Variants in KCNH5 observed in about 807,000 individuals in gnomAD.
KCNH5 encodes potassium voltage-gated channel subfamily H member 5.
Under a neutral mutation model 96.1 loss-of-function variants are expected in KCNH5, and 46 were observed. The ratio of observed to expected loss-of-function variants is 0.48; its 90% CI spans 0.38 to 0.61. The LOEUF is 0.61. KCNH5 is among the 20% of genes least tolerant of loss of function. The probability of loss-of-function intolerance (pLI) is 0.00; values close to 1 mark genes in which losing one functional copy is unlikely to be tolerated. For missense variants in KCNH5, 907 were observed against 1,225.8 expected (o/e 0.74, Z 3.88); for synonymous variants, 439 against 449.8 (o/e 0.98, Z 0.30).
chr14:62,953,539 G>T (rs117080707), intron 6 of KCNH5, among the ~76,000 whole-genome samples: 1 of 152,120 alleles, frequency 6.6e-6, no homozygotes, highest in South Asian at 2.1e-4. Context: ...AAAGGGAACC[G>T]TTTGCTTCTC....
chr14:62,941,117 T>C (rs1468767960), intron 7 of KCNH5, among the ~76,000 whole-genome samples: 1 of 152,140 alleles, frequency 6.6e-6, no homozygotes, highest in Non-Finnish European at 1.5e-5. Context: ...TAAATACCAA[T>C]GTATACCAGA....
intron 1 of KCNH5, 80 bp downstream of exon 1, chr14:63,045,034 A>G: frequency 9.0e-7 from 1 of 1,107,790 alleles, no homozygotes; most frequent in Non-Finnish European, 1.4e-6. Context: ...CCCCCTTGGG[A>G]GAGGGATGGG....
intron 7 of KCNH5, among the ~76,000 whole-genome samples, chr14:62,896,661 T>C (rs1888819421): frequency 6.6e-6 from 1 of 152,188 alleles, no homozygotes; most frequent in Non-Finnish European, 1.5e-5. Flanking sequence ...ATGAAGTGAA[T>C]TGCTTTTTTT....
intron 4 of KCNH5, among the ~76,000 whole-genome samples, chr14:62,989,690 C>T (rs1890774944): frequency 6.6e-6 from 1 of 152,072 alleles, no homozygotes. Flanking sequence ...AATAGCCACT[C>T]TTGCTAAACT....
At chr14:62,721,499 G>GCTCTCTCT (rs10567188) in intron 10 of KCNH5, among the ~76,000 whole-genome samples, 26 of 149,360 alleles carry the variant, frequency 1.7e-4, no homozygotes, top group East Asian at 4.0e-4. Flanking sequence ...TCACTCACTC[G>GCTCTCTCT]CTCTCTCTCT....
chr14:62,769,416 G>A lies in KCNH5; in HGVS notation c.2019+10312C>T, dbSNP rs140695900. Among the ~76,000 whole-genome samples, 645 of 152,258 alleles carry A rather than the reference G, an allele frequency of 4.2e-3. 7 individuals carry two copies. Among genetic ancestry groups the A allele is most frequent in the African/African-American group, 0.014 (600 of 41,554 alleles). ...GGCATGCAGGGTTTTCAGAGCAATCGTTTTCTCTTCAAAGTCCTTCACAAT... is the reference window on the plus strand; with the variant it reads ...GGCATGCAGGGTTTTCAGAGCAATCATTTTCTCTTCAAAGTCCTTCACAAT... On this transcript the variant is annotated intron_variant, in intron 10 of 10. Coordinates refer to ENST00000322893, the MANE Select transcript of KCNH5 (RefSeq NM_139318.5).
At chr14:62,891,800 T>C (rs1888717195) in intron 7 of KCNH5, among the ~76,000 whole-genome samples, 1 of 152,216 alleles carries the variant, frequency 6.6e-6, no homozygotes, top group Non-Finnish European at 1.5e-5. Context: ...CATATTTTTA[T>C]GGTGATCTAT....
chr14:62,809,500 G>A (rs1324091220), intron 8 of KCNH5, among the ~76,000 whole-genome samples: 2 of 152,044 alleles, frequency 1.3e-5, no homozygotes, highest in Non-Finnish European at 2.9e-5. Flanking sequence ...AGGTCCAGGA[G>A]CCACAGGTTA....
At chr14:62,710,225 C>T (rs577848499) in intron 10 of KCNH5, among the ~76,000 whole-genome samples, 13 of 152,172 alleles carry the variant, frequency 8.5e-5, no homozygotes, top group African/African-American at 2.4e-4. Context: ...GAGATTGATG[C>T]ACTAAATTCA....
At chr14:62,741,133 GT>G (rs1885262627) in intron 10 of KCNH5, among the ~76,000 whole-genome samples, 1 of 152,106 alleles carries the variant, frequency 6.6e-6, no homozygotes, top group Admixed American at 6.6e-5. Flanking sequence ...TCATAATGGA[GT>G]TTTCCCAGAA....
At chr14:62,982,341 C>G (rs1890626464) in intron 5 of KCNH5, among the ~76,000 whole-genome samples, 1 of 151,880 alleles carries the variant, frequency 6.6e-6, no homozygotes, top group Admixed American at 6.6e-5. Flanking sequence ...AAAAAAAAGA[C>G]AGTTGAAGGG....
At chr14:62,809,542 C>G (rs1246188149) in intron 8 of KCNH5, among the ~76,000 whole-genome samples, 1 of 152,082 alleles carries the variant, frequency 6.6e-6, no homozygotes, top group East Asian at 1.9e-4. Context: ...GGAATTTACT[C>G]AACTCATAGG....
chr14:62,822,929 T>C (rs1194898796), intron 8 of KCNH5, among the ~76,000 whole-genome samples: 1 of 152,144 alleles, frequency 6.6e-6, no homozygotes, highest in African/African-American at 2.4e-5. Context: ...GAATTTAAAG[T>C]CCTCTTTCTC....
At position 62,937,347 on chromosome 14, in the gene KCNH5, C is replaced by A. The variant is rs144024509; in HGVS notation, c.1369+12786G>T. Among the ~76,000 whole-genome samples the A allele has an allele frequency of 3.9e-5, 6 of 152,272 alleles. No homozygotes were observed. The East Asian group carries it at 1.2e-3, about 29-fold the overall frequency. On this transcript the variant is annotated intron_variant, in intron 7 of 10. Coordinates refer to ENST00000322893, the MANE Select transcript of KCNH5 (RefSeq NM_139318.5). ...CCTGTACAGTCTATTTTCCACACAG[C>A]AGCTGGATTGGTATTTGTAAGACAT...
rs1278391362 is a variant in KCNH5, at chr14:63,039,572, CTT to C, written c.73+5540_73+5541del. Among the ~76,000 whole-genome samples the C allele has an allele frequency of 8.5e-5, 13 of 152,064 alleles. No individual in the cohort carries two copies. The South Asian group carries it at 2.5e-3, about 29-fold the overall frequency. ...ATGTACAGGTCATTTTTCTGCAAGA[CTT>C]TATATTTCATATACTGTATGTATAT... On this transcript the variant is annotated intron_variant, in intron 1 of 10. Transcript: ENST00000322893.
rs1889986012 is a variant in KCNH5, at chr14:62,950,616, G to A, written c.943-57C>T. On this transcript the variant is annotated intron_variant, in intron 6 of 10. Transcript: ENST00000322893. ...ACATTTTCAGGAAAAAAAAAGGCTG[G>A]GGAAACAATACAATGGCTCACCTTC... is the stretch of plus-strand genomic sequence containing the variant. 3.6e-6 allele frequency: 5 copies of A among 1,398,142 alleles called. No homozygotes were observed. The South Asian group carries it at 4.4e-5, about 12-fold the overall frequency. 86.6% of individuals were successfully genotyped at this position (1,398,142 alleles called of 1,614,324 possible).
intron 7 of KCNH5, among the ~76,000 whole-genome samples, chr14:62,931,357 A>C (rs1042333045): frequency 2.6e-5 from 4 of 152,150 alleles, no homozygotes; most frequent in Non-Finnish European, 4.4e-5. Flanking sequence ...AGGAGCATGA[A>C]CCAGCAGAAC....
At chr14:62,868,629 G>A (rs933009078) in intron 7 of KCNH5, among the ~76,000 whole-genome samples, 2 of 152,108 alleles carry the variant, frequency 1.3e-5, no homozygotes, top group South Asian at 2.1e-4. Context: ...AGGTATACAC[G>A]TGCCATAGTG....
intron 8 of KCNH5, among the ~76,000 whole-genome samples, chr14:62,835,870 C>T (rs887499010): frequency 6.6e-6 from 1 of 150,604 alleles, no homozygotes; most frequent in African/African-American, 2.4e-5. Flanking sequence ...TGATTGCCCT[C>T]AAAAAAAACG....
Sources: allele counts gnomAD v4.1 joint callset (sites outside exome capture counted in the v4.1 genomes callset), GRCh38; gene constraint gnomAD v4.1.1; transcripts MANE v1.5; gene names NCBI Gene and HGNC (gene_info 2026-07-23, HGNC 2026-07-21).